The following ZNF407 variants were observed in gnomAD, a reference collection of about 807,000 sequenced individuals.
The protein encoded by ZNF407 is zinc finger protein 407.
A neutral mutation model predicts 131.2 loss-of-function variants in ZNF407; 17 were observed. The observed-to-expected ratio is 0.13, with a 90% CI of 0.09 to 0.19. The LOEUF (loss-of-function observed/expected upper bound fraction) is 0.19, where lower values mean the gene tolerates loss of function less well. Among genes scored for constraint, ZNF407 ranks in the 10% least tolerant of loss-of-function variants. The pLI is 1.00. For missense variants in ZNF407, 2,681 were observed against 2,830.6 expected (o/e 0.95, Z 1.20); for synonymous variants, 1,156 against 1,062.0 (o/e 1.09, Z -1.72).
At chr18:74,979,544 G>A (rs551015695) in intron 8 of ZNF407, among the ~76,000 whole-genome samples, 4 of 152,154 alleles carry the variant, frequency 2.6e-5, no homozygotes, top group East Asian at 3.9e-4. Context: ...CACCCACCTC[G>A]GCCTCCCAAA....
intron 8 of ZNF407, among the ~76,000 whole-genome samples, chr18:75,043,777 A>C (rs942017011): frequency 6.6e-6 from 1 of 152,224 alleles, no homozygotes; most frequent in African/African-American, 2.4e-5. Context: ...ACTGATAAAA[A>C]GGCTTCACTT....
intron 8 of ZNF407, among the ~76,000 whole-genome samples, chr18:75,022,844 G>T (rs1396457649): frequency 6.6e-6 from 1 of 152,060 alleles, no homozygotes; most frequent in Non-Finnish European, 1.5e-5. Flanking sequence ...ATACCCCAAA[G>T]AATATAAATT....
chr18:74,744,953 A>G (rs1238840398), intron 3 of ZNF407, among the ~76,000 whole-genome samples: 1 of 152,050 alleles, frequency 6.6e-6, no homozygotes, highest in Non-Finnish European at 1.5e-5. Context: ...TAGCTTTACC[A>G]TGTCCATCCA....
intron 8 of ZNF407, among the ~76,000 whole-genome samples, chr18:75,045,942 C>T (rs564530752): frequency 2.8e-4 from 43 of 152,230 alleles, no homozygotes; most frequent in Non-Finnish European, 4.9e-4. Context: ...TCATTATCTT[C>T]GTGAATAGGT....
intron 4 of ZNF407, among the ~76,000 whole-genome samples, chr18:74,793,022 T>G (rs1969854618): frequency 6.6e-6 from 1 of 152,250 alleles, no homozygotes; most frequent in South Asian, 2.1e-4. Flanking sequence ...TGTCGATTCC[T>G]AAGACATGCA....
chr18:74,772,213 C>T (rs1969376610), intron 3 of ZNF407, among the ~76,000 whole-genome samples: 1 of 152,172 alleles, frequency 6.6e-6, no homozygotes, highest in African/African-American at 2.4e-5. Flanking sequence ...CTCATACACT[C>T]TTGGGTAGCC....
At position 74,763,734 on chromosome 18, in the gene ZNF407, G is replaced by C. The variant is rs1195497312; in HGVS notation, c.4803-17694G>C. On this transcript the variant is annotated intron_variant, in intron 3 of 8. Transcript: ENST00000299687. ...TTTTTTTTTTTTTTTTTTTGAGACG[G>C]AGTCTCGCTCTGTCGCCCAGGCTGG... 4.7e-5 allele frequency among the ~76,000 whole-genome samples: 6 copies of C among 127,728 alleles called. No individual in the cohort carries two copies. In the East Asian group the frequency reaches 1.2e-3, roughly 25 times the overall value. 83.8% of individuals were successfully genotyped at this position (127,728 alleles called of 152,430 possible).
chr18:75,063,054 C>A lies in ZNF407; in HGVS notation c.5429-96C>A. ...GGTTTGGAATAGGGGGTCGTGGTGA[C>A]TCTGCTGAGGCCTGAGCGCTTCTGC... On this transcript the variant is annotated intron_variant, in intron 8 of 8. Coordinates refer to ENST00000299687, the MANE Select transcript of ZNF407 (RefSeq NM_017757.3). The surrounding 1 kb of genome is among the most constrained non-coding windows in gnomAD (Gnocchi z 6.6). 8.5e-7 allele frequency: 1 copy of A among 1,173,280 alleles called. No individual in the cohort carries two copies. The highest frequency in any genetic ancestry group is 1.2e-6 in the Non-Finnish European group (1 of 827,038). 72.7% of individuals were successfully genotyped at this position (1,173,280 alleles called of 1,614,324 possible). A position where few individuals can be genotyped will look rare whatever the true frequency, so the allele number is the denominator to read the frequency against.
At chr18:74,786,019 G>T (rs1012090796) in intron 4 of ZNF407, among the ~76,000 whole-genome samples, 2 of 152,186 alleles carry the variant, frequency 1.3e-5, no homozygotes, top group African/African-American at 4.8e-5. Context: ...TATGAGAAAA[G>T]CCATGCGTTT....
chr18:75,035,998 C>T (rs1423995038), intron 8 of ZNF407, among the ~76,000 whole-genome samples: 1 of 152,302 alleles, frequency 6.6e-6, no homozygotes, highest in Non-Finnish European at 1.5e-5. Context: ...GAGAGGTGGG[C>T]GAAGCCACAA....
At chr18:74,982,492 G>T (rs1482427879) in intron 8 of ZNF407, among the ~76,000 whole-genome samples, 1 of 152,162 alleles carries the variant, frequency 6.6e-6, no homozygotes, top group African/African-American at 2.4e-5. Context: ...TGTTGATTTG[G>T]ATAAAGTTGC....
chr18:74,934,915 A>G lies in ZNF407; in HGVS notation c.5428+14223A>G, dbSNP rs190035549. Among the ~76,000 whole-genome samples, 440 of 152,354 alleles carry G rather than the reference A, an allele frequency of 2.9e-3. 2 individuals are homozygous for G. The highest frequency in any genetic ancestry group is 3.2e-3 in the Non-Finnish European group (217 of 68,028). On this transcript the variant is annotated intron_variant, in intron 8 of 8. Transcript: ENST00000299687. ...GTGCCTGCCACTTATTAAGTACTCT[A>G]TGAGTATTTAGTTAGTAAAATATAT...
intron 3 of ZNF407, among the ~76,000 whole-genome samples, chr18:74,678,999 G>T (rs1966917424): frequency 6.6e-6 from 1 of 151,618 alleles, no homozygotes; most frequent in Non-Finnish European, 1.5e-5. Flanking sequence ...AAATTTCAAA[G>T]CCTGTTTACA....
At position 74,976,381 on chromosome 18, in the gene ZNF407, C is replaced by T. The variant is rs1489236808; in HGVS notation, c.5428+55689C>T. Among the ~76,000 whole-genome samples the T allele has an allele frequency of 2.0e-5, 3 of 152,114 alleles. No homozygotes were observed. In the East Asian group the frequency reaches 5.8e-4, roughly 29 times the overall value. On this transcript the variant is annotated intron_variant, in intron 8 of 8. Coordinates refer to ENST00000299687, the MANE Select transcript of ZNF407 (RefSeq NM_017757.3). ...TACAGCAGTGATGTTTGCTTCTATACGAAGCTCCTTTGTGCTGCAAGGCGA... is the reference window on the plus strand; with the variant it reads ...TACAGCAGTGATGTTTGCTTCTATATGAAGCTCCTTTGTGCTGCAAGGCGA...
chr18:74,875,562 A>C (rs986841743), intron 4 of ZNF407, among the ~76,000 whole-genome samples: 2 of 152,232 alleles, frequency 1.3e-5, no homozygotes, highest in Non-Finnish European at 2.9e-5. Flanking sequence ...TGAGGAAATA[A>C]GTAGATAGGG....
intron 4 of ZNF407, among the ~76,000 whole-genome samples, chr18:74,790,523 T>C (rs1255699436): frequency 6.6e-6 from 1 of 152,216 alleles, no homozygotes; most frequent in African/African-American, 2.4e-5. Flanking sequence ...TCAGCTGGCA[T>C]CTAGAATATT....
At chr18:75,055,675 T>C (rs567362958) in intron 8 of ZNF407, among the ~76,000 whole-genome samples, 1 of 152,368 alleles carries the variant, frequency 6.6e-6, no homozygotes, top group South Asian at 2.1e-4. Context: ...GAAACCTGCA[T>C]GATTATGTAT....
intron 3 of ZNF407, among the ~76,000 whole-genome samples, chr18:74,690,542 GA>G (rs774675085): frequency 2.6e-5 from 4 of 151,330 alleles, no homozygotes; most frequent in Non-Finnish European, 5.9e-5. Flanking sequence ...TTATGATTTT[GA>G]AAATCAGAAA....
intron 4 of ZNF407, among the ~76,000 whole-genome samples, chr18:74,866,433 G>A (rs1054672286): frequency 6.6e-6 from 1 of 152,138 alleles, no homozygotes; most frequent in African/African-American, 2.4e-5. Flanking sequence ...CAAAGTCCAA[G>A]ACAATGAAAT....
Sources: allele counts gnomAD v4.1 joint callset (sites outside exome capture counted in the v4.1 genomes callset), GRCh38; gene constraint gnomAD v4.1.1; non-coding constraint Gnocchi (gnomAD v3.1); transcripts MANE v1.5; gene names NCBI Gene and HGNC (gene_info 2026-07-23, HGNC 2026-07-21).